SHANK1: variants seen among roughly 807,000 people sequenced by gnomAD.
SHANK1 encodes the protein SH3 and multiple ankyrin repeat domains protein 1.
A neutral mutation model predicts 165.6 loss-of-function variants in SHANK1; 35 were observed. The ratio of observed to expected loss-of-function variants is 0.21; its 90% CI spans 0.16 to 0.28. The LOEUF is 0.28. Ranked by LOEUF, SHANK1 falls within the 10% of genes least tolerant of loss-of-function variation. The pLI, the probability that SHANK1 is intolerant of heterozygous loss-of-function variation, is 1.00. For synonymous variants in SHANK1, 1,428 were observed against 1,384.8 expected (o/e 1.03, Z -0.69); for missense variants, 2,681 against 3,036.4 (o/e 0.88, Z 2.75).
rs955362834 is a variant in SHANK1 at position 50,719,605 on chromosome 19, G to A, written c.-243C>T. 1.3e-5 allele frequency among the ~76,000 whole-genome samples: 2 copies of A among 148,410 alleles called. No individual in the cohort carries two copies. The highest frequency in any genetic ancestry group is 3.0e-5 in the Non-Finnish European group (2 of 66,392). Reference sequence around the variant, plus strand: ...GGACCTCACCCCCCCCGCGGGCCGGGCCTGGCCATCCGCAGAGCGCCCCCC... The same window carrying A: ...GGACCTCACCCCCCCCGCGGGCCGGACCTGGCCATCCGCAGAGCGCCCCCC... On this transcript the variant is annotated 5_prime_UTR_variant, in exon 1 of 24. Coordinates refer to ENST00000293441, the MANE Select transcript of SHANK1 (RefSeq NM_016148.5).
Position 50,666,824 on chromosome 19 carries a change from G to A in SHANK1, c.5136C>T (p.Gly1712=), listed in dbSNP as rs1349200689. 2 of 1,549,716 alleles carry A rather than the reference G, an allele frequency of 1.3e-6. No individual in the cohort carries two copies. Among genetic ancestry groups the A allele is most frequent in the African/African-American group, 1.4e-5 (1 of 73,336 alleles). Residue 1712 remains glycine, a synonymous_variant, in exon 23 of 24, where the codon GGC becomes GGT. Transcript: ENST00000293441. ...AEGGGSAGGG[G]GAGAGVASGP... The stretch of plus-strand genomic sequence containing the variant: ...CACTGGCCACACCGGCCCCAGCCCC[G>A]CCCCCACCCCCTGCGCTGCCACCAC...
Position 50,717,059 on chromosome 19 carries a change from C to T in SHANK1, c.-43-97G>A, listed in dbSNP as rs937316861. The T allele has an allele frequency of 6.2e-5, 64 of 1,029,712 alleles. No homozygotes were observed. In the East Asian group the frequency reaches 1.8e-3, roughly 29 times the overall value. 63.8% of individuals were successfully genotyped at this position (1,029,712 alleles called of 1,614,324 possible). ...GTCAAGCGGTCAAGGGCAGCCTACC[C>T]CCACTGCCCAAGATAGGCAGGAAGG... On this transcript the variant is annotated intron_variant, in intron 1 of 23. Transcript: ENST00000293441. The surrounding 1 kb of genome is among the most constrained non-coding windows in gnomAD (Gnocchi z 5.5).
chr19:50,702,737 G>T lies in SHANK1; in HGVS notation c.1554-77C>A. On this transcript the variant is annotated intron_variant, in intron 11 of 23. Coordinates refer to ENST00000293441, the MANE Select transcript of SHANK1 (RefSeq NM_016148.5). The surrounding 1 kb of genome is among the most constrained non-coding windows in gnomAD (Gnocchi z 5.3). The stretch of plus-strand genomic sequence containing the variant: ...TCTGGGAGGACAGGGGTCCTTGGGT[G>T]GGGGAAGAGGACGGTGCATCAGGGG... The T allele has an allele frequency of 2.2e-6, 2 of 927,904 alleles. No individual in the cohort carries two copies. The highest frequency in any genetic ancestry group is 1.7e-5 in the African/African-American group (1 of 59,388). 57.5% of individuals were successfully genotyped at this position (927,904 alleles called of 1,614,324 possible).
Position 50,714,192 on chromosome 19 carries a change from C to T in SHANK1, c.630G>A (p.Ser210=), listed in dbSNP as rs369440211. 1.4e-5 allele frequency: 23 copies of T among 1,613,918 alleles called. No homozygotes were observed. In the African/African-American group the frequency reaches 1.5e-4, roughly 10 times the overall value. Residue 210 remains serine, a synonymous_variant, in exon 5 of 24, where the codon TCG becomes TCA. Transcript: ENST00000293441. The part of the protein sequence containing the change: ...DKGLDPNYHD[S]DSGETPLTLA... ...CGCACCCCTCCCTACCTCCCGAATCCGAGTCATGGTAATTGGGGTCCAGCC... is the reference window on the plus strand; with the variant it reads ...CGCACCCCTCCCTACCTCCCGAATCTGAGTCATGGTAATTGGGGTCCAGCC...
At position 50,716,468 on chromosome 19, in the gene SHANK1, C is replaced by T; in HGVS notation, c.266G>A (p.Arg89His). 6.2e-7 allele frequency: 1 copy of T among 1,614,040 alleles called. No individual in the cohort carries two copies. Among genetic ancestry groups the T allele is most frequent in the Non-Finnish European group, 8.5e-7 (1 of 1,179,996 alleles). The change falls in exon 3 of 24, where the codon CGC (arginine) becomes CAC (histidine). Residue 89 changes from arginine to histidine, a missense_variant. By Grantham distance (29) the Arg-to-His change is conservative. This residue lies in a region of SHANK1 where 189 missense variants were observed against 440.9 expected (regional missense o/e 0.43). Transcript: ENST00000293441. This position sits in a 1 kb window ranked among gnomAD's most constrained non-coding sequence, Gnocchi z 8.4. ...IPDLHQTKCLRFNPDATIWTA... is the reference protein window; with the variant it reads ...IPDLHQTKCLHFNPDATIWTA... ...CCAGATGGTGGCATCGGGGTTGAAG[C>T]GAAGGCATTTCTGGTTGGGGAAGAG...
chr19:50,668,378 G>T lies in SHANK1; in HGVS notation c.3582C>A (p.Gly1194=). 7.8e-7 allele frequency: 1 copy of T among 1,281,852 alleles called. No homozygotes were observed. Among genetic ancestry groups the T allele is most frequent in the Non-Finnish European group, 9.9e-7 (1 of 1,012,544 alleles). The allele number at this position is 1,281,852 out of a possible 1,614,324, so 79.4% of individuals were successfully genotyped here. The change falls in exon 23 of 24, where the codon GGC becomes GGA. Residue 1194 remains glycine, a synonymous_variant. Coordinates refer to ENST00000293441, the MANE Select transcript of SHANK1 (RefSeq NM_016148.5). ...QPEPTGGGGG[G]GSSPSPAPAM... The stretch of plus-strand genomic sequence containing the variant: ...CCGGGGCGGGGCTGGGCGAGGAGCC[G>T]CCGCCGCCGCCGCCTCCCGTGGGCT...
At chr19:50,695,119 C>T (rs1216619431) in intron 15 of SHANK1, among the ~76,000 whole-genome samples, 8 of 146,522 alleles carry the variant, frequency 5.5e-5, no homozygotes, top group Non-Finnish European at 1.2e-4. Flanking sequence ...GTCCCCGTAC[C>T]CGCTCGGCCG....
At position 50,686,736 on chromosome 19, in the gene SHANK1, C is replaced by T; in HGVS notation, c.2458+8G>A. 1 of 1,613,142 alleles carries T rather than the reference C, an allele frequency of 6.2e-7. No individual in the cohort carries two copies. The highest frequency in any genetic ancestry group is 8.5e-7 in the Non-Finnish European group (1 of 1,179,442). ...GGCATCCCGAGGAGCAGGGCTGGGC[C>T]GTCTTACTGAGAGCCATCTGATACA... On this transcript the variant is annotated splice_region_variant and intron_variant, in intron 20 of 23. Transcript: ENST00000293441. This position sits in a 1 kb window ranked among gnomAD's most constrained non-coding sequence, Gnocchi z 5.7.
intron 10 of SHANK1, 95 bp downstream of exon 10, chr19:50,704,025 C>G (rs2088905198): frequency 1.5e-6 from 2 of 1,321,500 alleles, no homozygotes; most frequent in South Asian, 1.2e-5. Context: ...CCATCCTATC[C>G]TGGCCCCCAA....
At position 50,659,305 on chromosome 19, in the gene SHANK1, A is replaced by C. The variant is rs1332945519; in HGVS notation, c.*2660T>G. 7.5e-6 allele frequency: 4 copies of C among 531,050 alleles called. No individual in the cohort carries two copies. The highest frequency in any genetic ancestry group is 2.0e-5 in the African/African-American group (1 of 50,512). The allele number at this position is 531,050 out of a possible 1,614,324, so 32.9% of individuals were successfully genotyped here. ...AATTATAAAGAATGACCTGGTACAA[A>C]AGCCATTTCTCTCTGCAAAATCTTG... On this transcript the variant is annotated 3_prime_UTR_variant, in exon 24 of 24. Transcript: ENST00000293441.
At position 50,697,943 on chromosome 19, in the gene SHANK1, C is replaced by T. The variant is rs768665766; in HGVS notation, c.1761G>A (p.Gly587=). 1 of 1,613,374 alleles carries T rather than the reference C, an allele frequency of 6.2e-7. No homozygotes were observed. The highest frequency in any genetic ancestry group is 2.2e-5 in the East Asian group (1 of 44,870). ...KGEKIKVLSI[G]EGGFWEGQVK... is the part of the protein sequence containing the mutation. ...CCTGGCCTTCCCAGAAGCCTCCTTCCCCGATGCTAAGTACTGGATGGGGAA... is the reference window on the plus strand; with the variant it reads ...CCTGGCCTTCCCAGAAGCCTCCTTCTCCGATGCTAAGTACTGGATGGGGAA... Residue 587 remains glycine, a synonymous_variant, in exon 13 of 24, where the codon GGG becomes GGA. Coordinates refer to ENST00000293441, the MANE Select transcript of SHANK1 (RefSeq NM_016148.5). The surrounding 1 kb of genome is among the most constrained non-coding windows in gnomAD (Gnocchi z 4.7).
chr19:50,704,317 G>A (rs1328155658), intron 9 of SHANK1, 120 bp downstream of exon 9: 18 of 1,315,872 alleles, frequency 1.4e-5, no homozygotes, highest in Non-Finnish European at 1.9e-5. Flanking sequence ...TCTTCTTCCA[G>A]CTCCCCCTCC....
chr19:50,665,960 G>A (rs1309692566), intron 23 of SHANK1, among the ~76,000 whole-genome samples: 2 of 148,478 alleles, frequency 1.3e-5, no homozygotes, highest in Non-Finnish European at 3.0e-5. Flanking sequence ...GTGGTGAGCC[G>A]AGATCACGCC....
rs780417534 is a variant in SHANK1 at position 50,667,157 on chromosome 19, C to T, written c.4803G>A (p.Pro1601=). The change falls in exon 23 of 24, where the codon CCG becomes CCA. Residue 1601 remains proline (P), a synonymous_variant. Coordinates refer to ENST00000293441, the MANE Select transcript of SHANK1 (RefSeq NM_016148.5). This position sits in a 1 kb window ranked among gnomAD's most constrained non-coding sequence, Gnocchi z 5.7. The part of the protein sequence containing the change: ...PLPDTPAPAT[P]LPPVPPPAVA... Reference sequence around the variant, plus strand: ...CAGCCGGGGGTGGCACAGGGGGTAACGGGGTGGCAGGGGCAGGTGTGTCGG... The same window carrying T: ...CAGCCGGGGGTGGCACAGGGGGTAATGGGGTGGCAGGGGCAGGTGTGTCGG... The T allele has an allele frequency of 4.1e-5, 62 of 1,499,504 alleles. No homozygotes were observed. In the South Asian group the frequency reaches 6.9e-4, roughly 17 times the overall value. The allele number at this position is 1,499,504 out of a possible 1,614,324, so 92.9% of individuals were successfully genotyped here. A position where few individuals can be genotyped will look rare whatever the true frequency, so the allele number is the denominator to read the frequency against.
rs756888675 is a variant in SHANK1, at chr19:50,667,284, C to A, written c.4676G>T (p.Gly1559Val). ...PPAPSVDVED[G>V]EFLFVEPLPP... ...CAGCGGTTCCACGAAAAGGAATTCG[C>A]CATCTTCCACATCCACCGAGGGGGC... Residue 1559 changes from glycine to valine, a missense_variant, in exon 23 of 24, where the codon GGC becomes GTC. Around this residue, in one of 10 missense-constraint regions of SHANK1, gnomAD observed 1,713 missense variants for 1,630.2 expected, o/e 1.05. Coordinates refer to ENST00000293441, the MANE Select transcript of SHANK1 (RefSeq NM_016148.5). The surrounding 1 kb of genome is among the most constrained non-coding windows in gnomAD (Gnocchi z 5.7). The A allele has an allele frequency of 6.3e-7, 1 of 1,596,554 alleles. No homozygotes were observed. The highest frequency in any genetic ancestry group is 8.5e-7 in the Non-Finnish European group (1 of 1,178,606).
chr19:50,713,993 C>T lies in SHANK1; in HGVS notation c.641-44G>A, dbSNP rs1364466548. ...TGGTCACATGAAGCCCCTTCTCCTC[C>T]CCTCCATCCCTTCCCATTTTCCAGG... On this transcript the variant is annotated intron_variant, in intron 5 of 23. Transcript: ENST00000293441. This position sits in a 1 kb window ranked among gnomAD's most constrained non-coding sequence, Gnocchi z 6.2. 1.9e-6 allele frequency: 3 copies of T among 1,605,020 alleles called. No individual in the cohort carries two copies. The highest frequency in any genetic ancestry group is 2.7e-5 in the African/African-American group (2 of 74,718).
At chr19:50,676,312 A>C (rs557325160) in intron 21 of SHANK1, among the ~76,000 whole-genome samples, 1 of 152,106 alleles carries the variant, frequency 6.6e-6, no homozygotes, top group Non-Finnish European at 1.5e-5. Flanking sequence ...CAAAATAAAT[A>C]AAATAAGGAG....
intron 4 of SHANK1, 78 bp from the exon 5 acceptor site, chr19:50,714,368 C>T: frequency 8.0e-7 from 1 of 1,246,606 alleles, no homozygotes; most frequent in Non-Finnish European, 1.2e-6. Context: ...GCAGCGACGT[C>T]CAGTGAAAAT....
In SHANK1 at chr19:50,666,763, C is replaced by A; in HGVS notation, c.5197G>T (p.Asp1733Tyr). Reference protein sequence around the residue: ...ELLDTYVAYLDGQAFGGSSTP... With the variant: ...ELLDTYVAYLYGQAFGGSSTP... ...CTGCTGCCCCCAAAGGCCTGGCCGT[C>A]CAGGTAGGCCACATAGGTGTCCAGA... Residue 1733 changes from aspartate to tyrosine, a missense_variant, in exon 23 of 24, where the codon GAC becomes TAC. Around this residue, in one of 10 missense-constraint regions of SHANK1, gnomAD observed 1,713 missense variants for 1,630.2 expected, o/e 1.05. Coordinates refer to ENST00000293441, the MANE Select transcript of SHANK1 (RefSeq NM_016148.5). 6.4e-7 allele frequency: 1 copy of A among 1,555,936 alleles called. No individual in the cohort carries two copies. The highest frequency in any genetic ancestry group is 1.2e-5 in the South Asian group (1 of 84,526).
Sources: allele counts gnomAD v4.1 joint callset (sites outside exome capture counted in the v4.1 genomes callset), GRCh38; gene constraint gnomAD v4.1.1; regional missense constraint gnomAD v4.1.1; non-coding constraint Gnocchi (gnomAD v3.1); transcripts MANE v1.5; gene names NCBI Gene and HGNC (gene_info 2026-07-23, HGNC 2026-07-21).